PHIP: variants seen among roughly 807,000 people sequenced by gnomAD.
PHIP encodes the protein PHIP subunit of CUL4-Ring ligase complex.
PHIP carries 54 observed loss-of-function variants against 236.8 expected under a neutral mutation model. That is an observed-to-expected ratio of 0.23 (90% CI 0.18 to 0.29). PHIP has a LOEUF of 0.29. PHIP is among the 10% of genes least tolerant of loss of function. PHIP has a pLI of 1.00. For missense variants in PHIP, 1,370 were observed against 2,190.8 expected (o/e 0.63, Z 7.48); for synonymous variants, 756 against 718.9 (o/e 1.05, Z -0.83).
At chr6:78,988,979 T>C (rs1769042844) in intron 20 of PHIP, among the ~76,000 whole-genome samples, 1 of 152,194 alleles carries the variant, frequency 6.6e-6, no homozygotes, top group Admixed American at 6.5e-5. Context: ...CTGGAATAAA[T>C]GTGAGAAGTC....
At chr6:78,968,960 A>G (rs182769525) in intron 27 of PHIP, among the ~76,000 whole-genome samples, 283 of 152,276 alleles carry the variant, frequency 1.9e-3, no homozygotes, top group African/African-American at 6.6e-3. Context: ...CTTCTACTGA[A>G]TATTATTTGG....
chr6:78,990,452 G>T (rs1275508733), intron 20 of PHIP, among the ~76,000 whole-genome samples: 1 of 152,038 alleles, frequency 6.6e-6, no homozygotes, highest in African/African-American at 2.4e-5. Flanking sequence ...AAGAAAATGA[G>T]AAATATTATC....
Position 79,077,708 on chromosome 6 carries a change from C to A in PHIP, c.121G>T (p.Glu41Ter). ...GCCGCCGCCGCCCTTACCTCCTTCT[C>A]GGCCACCTCGCGGATCAGCACCTGC... ...AAQVLIREVA[E>*]KELLPRRTDW... The change falls in exon 3 of 40, where the codon GAG (glutamate) becomes TAG (stop). Residue 41 changes from glutamate (E) to a stop codon, truncating the protein, a stop_gained. Coordinates refer to ENST00000275034, the MANE Select transcript of PHIP (RefSeq NM_017934.7). LOFTEE classifies it high-confidence loss of function. 9.9e-7 allele frequency: 1 copy of A among 1,013,716 alleles called. No individual in the cohort carries two copies. The highest frequency in any genetic ancestry group is 3.7e-5 in the South Asian group (1 of 27,112). 62.8% of individuals were successfully genotyped at this position (1,013,716 alleles called of 1,614,324 possible).
At chr6:79,068,713 T>C (rs992893727) in intron 4 of PHIP, among the ~76,000 whole-genome samples, 2 of 152,216 alleles carry the variant, frequency 1.3e-5, no homozygotes, top group Non-Finnish European at 2.9e-5. Flanking sequence ...ATATTACATA[T>C]TGACCCTTCG....
At chr6:79,041,692 T>C (rs1242253629) in intron 7 of PHIP, among the ~76,000 whole-genome samples, 1 of 152,102 alleles carries the variant, frequency 6.6e-6, no homozygotes, top group Admixed American at 6.6e-5. Flanking sequence ...ACTGTAGGTA[T>C]GTCAGGCACT....
rs560368936 is a variant in PHIP at position 78,995,405 on chromosome 6, A to G, written c.2201+2009T>C. On this transcript the variant is annotated intron_variant, in intron 19 of 39. Transcript: ENST00000275034. ...AATAGTGCAACTGCTGGGTCATATG[A>G]CAGGCAGTTCCATGTTTAGGATTTT... is the stretch of plus-strand genomic sequence containing the variant. Among the ~76,000 whole-genome samples the G allele has an allele frequency of 3.3e-5, 5 of 152,332 alleles. No homozygotes were observed. The South Asian group carries it at 1.0e-3, about 32-fold the overall frequency.
intron 6 of PHIP, among the ~76,000 whole-genome samples, chr6:79,058,131 A>T (rs901650026): frequency 8.5e-5 from 13 of 152,158 alleles, no homozygotes; most frequent in Non-Finnish European, 1.5e-4. Context: ...AGAGAAAAAA[A>T]TTATCTTAAA....
chr6:78,947,108 T>C (rs1053946272), intron 36 of PHIP, among the ~76,000 whole-genome samples: 7 of 152,166 alleles, frequency 4.6e-5, no homozygotes, highest in African/African-American at 1.7e-4. Context: ...TAAAGAAAAG[T>C]CCGACTCTAA....
At chr6:78,967,229 T>A (rs1767201174) in intron 27 of PHIP, among the ~76,000 whole-genome samples, 1 of 152,210 alleles carries the variant, frequency 6.6e-6, no homozygotes, top group Non-Finnish European at 1.5e-5. Context: ...GAAAAGTTAA[T>A]AGAACACAAC....
At chr6:78,952,145 C>T (rs776906042) in intron 35 of PHIP, among the ~76,000 whole-genome samples, 1 of 152,128 alleles carries the variant, frequency 6.6e-6, no homozygotes, top group Non-Finnish European at 1.5e-5. Flanking sequence ...GGCCATCGGG[C>T]ATGGTGGCTT....
At chr6:79,015,028 G>A (rs1770774239) in intron 15 of PHIP, 54 bp downstream of exon 15, 3 of 1,487,592 alleles carry the variant, frequency 2.0e-6, no homozygotes, top group East Asian at 4.5e-5. Flanking sequence ...GAGTACCTTT[G>A]TCAAAAAGCT....
At chr6:78,948,063 A>G (rs1773926142) in intron 35 of PHIP, among the ~76,000 whole-genome samples, 1 of 152,162 alleles carries the variant, frequency 6.6e-6, no homozygotes, top group African/African-American at 2.4e-5. Context: ...GGGAAAGTAA[A>G]AGAGTAAGGA....
intron 16 of PHIP, among the ~76,000 whole-genome samples, chr6:79,002,507 C>T (rs533923529): frequency 1.1e-4 from 16 of 152,196 alleles, no homozygotes; most frequent in Non-Finnish European, 1.5e-4. Flanking sequence ...AATGAAATCA[C>T]GTGCCATCTC....
intron 24 of PHIP, among the ~76,000 whole-genome samples, chr6:78,977,963 C>T (rs1360073180): frequency 2.0e-5 from 3 of 152,030 alleles, no homozygotes; most frequent in South Asian, 4.1e-4. Context: ...TATGGTCAAT[C>T]TGTTGGACAC....
chr6:78,945,464 A>C lies in PHIP; in HGVS notation c.4664T>G (p.Leu1555Trp). The change falls in exon 39 of 40, where the codon TTG becomes TGG. Residue 1555 changes from leucine (L) to tryptophan (W), a missense_variant. By Grantham distance (61) the Leu-to-Trp change is moderately conservative (BLOSUM62 -2). Around this residue, in one of 14 missense-constraint regions of PHIP, gnomAD observed 309 missense variants for 328.3 expected, o/e 0.94. Transcript: ENST00000275034. Reference protein sequence around the residue: ...LENSVKHSKALNTLSSPGQSS... With the variant: ...LENSVKHSKAWNTLSSPGQSS... Reference sequence around the variant, plus strand: ...TTGACCAGGACTGGAAAGAGTATTCAAAGCTTTGGAATGTTTCACAGAATT... The same window carrying C: ...TTGACCAGGACTGGAAAGAGTATTCCAAGCTTTGGAATGTTTCACAGAATT... The C allele has an allele frequency of 6.2e-7, 1 of 1,610,224 alleles. No homozygotes were observed. Among genetic ancestry groups the C allele is most frequent in the Non-Finnish European group, 8.5e-7 (1 of 1,176,556 alleles).
intron 29 of PHIP, among the ~76,000 whole-genome samples, chr6:78,964,072 A>G (rs1766969942): frequency 6.6e-6 from 1 of 152,238 alleles, no homozygotes; most frequent in Non-Finnish European, 1.5e-5. Flanking sequence ...CTGCATTGCT[A>G]TCATATTCAC....
At chr6:78,998,160 T>C in intron 18 of PHIP, 94 bp downstream of exon 18, 1 of 858,600 alleles carries the variant, frequency 1.2e-6, no homozygotes, top group Admixed American at 2.3e-5. Flanking sequence ...ATTTTACGGA[T>C]GTACCATAAT....
intron 31 of PHIP, among the ~76,000 whole-genome samples, chr6:78,958,832 A>G (rs1766587864): frequency 6.6e-6 from 1 of 152,084 alleles, no homozygotes; most frequent in African/African-American, 2.4e-5. Context: ...GGAACACACC[A>G]TATTAACAAA....
At chr6:78,983,797 C>T (rs1174223932) in intron 22 of PHIP, among the ~76,000 whole-genome samples, 2 of 152,090 alleles carry the variant, frequency 1.3e-5, no homozygotes, top group Non-Finnish European at 2.9e-5. Flanking sequence ...AAATACAGGC[C>T]TTACTATATT....
Sources: gnomAD v4.1 joint callset for allele counts (sites outside exome capture counted in the v4.1 genomes callset) on GRCh38, gnomAD v4.1.1 for gene constraint, gnomAD v4.1.1 regional missense constraint, MANE v1.5 for transcripts, NCBI Gene and HGNC (gene_info 2026-07-23, HGNC 2026-07-21) for gene names.